Variants in GSE1 observed in about 807,000 individuals in gnomAD.
GSE1 encodes the protein Gse1 coiled-coil protein.
A neutral mutation model predicts 112.6 loss-of-function variants in GSE1; 32 were observed. The ratio of observed to expected loss-of-function variants is 0.28; its 90% CI spans 0.21 to 0.38. The LOEUF (loss-of-function observed/expected upper bound fraction) is 0.38, where lower values mean the gene tolerates loss of function less well. Among genes scored for constraint, GSE1 ranks in the 10% least tolerant of loss-of-function variants. The pLI, the probability that GSE1 is intolerant of heterozygous loss-of-function variation, is 1.00. For synonymous variants in GSE1, 1,115 were observed against 735.6 expected (o/e 1.52, Z -8.35); for missense variants, 2,348 against 1,699.2 (o/e 1.38, Z -6.71).
rs1179348004 is a variant in GSE1 at position 85,674,553 on chromosome 16, AG to A, written c.*2016del. On this transcript the variant is annotated 3_prime_UTR_variant, in exon 16 of 16. Coordinates refer to ENST00000253458, the MANE Select transcript of GSE1 (RefSeq NM_014615.5). ...AACCTACTTGAGGTTTCTGGTCTGAAGGCTTAAGAGTCACATCTTAGCACTT... is the reference window on the plus strand; with the variant it reads ...AACCTACTTGAGGTTTCTGGTCTGAAGCTTAAGAGTCACATCTTAGCACTT... 1 of 152,230 alleles carries A rather than the reference AG, an allele frequency of 6.6e-6. No homozygotes were observed. The highest frequency in any genetic ancestry group is 1.5e-5 in the Non-Finnish European group (1 of 68,048). 9.4% of individuals were successfully genotyped at this position (152,230 alleles called of 1,614,324 possible). A position where few individuals can be genotyped will look rare whatever the true frequency, so the allele number is the denominator to read the frequency against.
At chr16:85,637,652 G>C (rs989810202) in intron 2 of GSE1, among the ~76,000 whole-genome samples, 4 of 152,252 alleles carry the variant, frequency 2.6e-5, no homozygotes, top group African/African-American at 9.6e-5. Flanking sequence ...CGGCTTGCCC[G>C]GGTCCCACGT....
chr16:85,667,040 T>C (rs182533752), intron 13 of GSE1, among the ~76,000 whole-genome samples: 1 of 152,366 alleles, frequency 6.6e-6, no homozygotes, highest in African/African-American at 2.4e-5. Flanking sequence ...TATGCCACTT[T>C]ATATCAGGGA....
intron 2 of GSE1, among the ~76,000 whole-genome samples, chr16:85,441,711 A>G (rs1454852248): frequency 6.6e-6 from 1 of 152,210 alleles, no homozygotes; most frequent in African/African-American, 2.4e-5. Flanking sequence ...AGGGGTGTGT[A>G]GGAGTTTTCC....
chr16:85,226,162 C>G (rs1369445531), intron 1 of GSE1, among the ~76,000 whole-genome samples: 1 of 152,184 alleles, frequency 6.6e-6, no homozygotes, highest in African/African-American at 2.4e-5. Flanking sequence ...AGAAGGTAGG[C>G]ACGTCAGAGG....
intron 2 of GSE1, among the ~76,000 whole-genome samples, chr16:85,486,513 G>C (rs900558201): frequency 3.9e-5 from 6 of 152,252 alleles, no homozygotes; most frequent in Non-Finnish European, 8.8e-5. Context: ...TTCGGGGGTG[G>C]CATGTCTCCT....
chr16:85,261,468 G>T (rs753218979), intron 1 of GSE1, among the ~76,000 whole-genome samples: 1 of 152,262 alleles, frequency 6.6e-6, no homozygotes, highest in Non-Finnish European at 1.5e-5. Flanking sequence ...TCCCGCAGAG[G>T]AGGAGGGCGC....
At chr16:85,603,859 G>A (rs560430625) in intron 1 of GSE1, among the ~76,000 whole-genome samples, 3 of 152,284 alleles carry the variant, frequency 2.0e-5, no homozygotes, top group South Asian at 4.1e-4. Flanking sequence ...ACAATTAGCC[G>A]TTTTAAAGGG....
chr16:85,556,598 C>T (rs1475052259), intron 1 of GSE1, among the ~76,000 whole-genome samples: 1 of 150,544 alleles, frequency 6.6e-6, no homozygotes, highest in Non-Finnish European at 1.5e-5. Flanking sequence ...CGCGCCGCCG[C>T]CGGGGGTTGC....
At chr16:85,645,997 A>T (rs2050829053) in intron 2 of GSE1, among the ~76,000 whole-genome samples, 2 of 142,978 alleles carry the variant, frequency 1.4e-5, no homozygotes, top group South Asian at 2.2e-4. Context: ...CTTCCTATGC[A>T]TGCATTCTAC....
chr16:85,594,277 GC>G (rs1212834115), intron 1 of GSE1: 1 of 149,422 alleles, frequency 6.7e-6, no homozygotes, highest in Non-Finnish European at 1.5e-5. Context: ...GGTTGGAACC[GC>G]CAGACCTCCC....
At chr16:85,648,467 G>C (rs999689585) in intron 2 of GSE1, 85 bp from the exon 3 acceptor site, 19 of 684,698 alleles carry the variant, frequency 2.8e-5, no homozygotes, top group Non-Finnish European at 3.9e-5. Flanking sequence ...GGAGCAGGGG[G>C]GCAGCTGGAG....
At chr16:85,403,263 C>T (rs564522703) in intron 2 of GSE1, among the ~76,000 whole-genome samples, 74 of 152,222 alleles carry the variant, frequency 4.9e-4, no homozygotes, top group African/African-American at 1.8e-3. Context: ...CTGTAACCGA[C>T]ACCGGAAGCG....
At chr16:85,219,293 C>T (rs1272404757) in intron 1 of GSE1, among the ~76,000 whole-genome samples, 6 of 152,238 alleles carry the variant, frequency 3.9e-5, no homozygotes, top group East Asian at 1.9e-4. Context: ...GGATTACAGG[C>T]GTGAGCCACC....
intron 8 of GSE1, among the ~76,000 whole-genome samples, 175 bp from the exon 9 acceptor site, chr16:85,660,971 A>G (rs1232207495): frequency 6.6e-6 from 1 of 152,224 alleles, no homozygotes; most frequent in East Asian, 1.9e-4. Context: ...AATGAAAGAC[A>G]GAAACAATGA....
At chr16:85,660,429 G>T (rs1001678634) in intron 8 of GSE1, among the ~76,000 whole-genome samples, 2 of 152,100 alleles carry the variant, frequency 1.3e-5, no homozygotes, top group Non-Finnish European at 2.9e-5. Context: ...TTGAGGTCAG[G>T]AATTCGAGAG....
chr16:85,259,744 T>G (rs1263906753), intron 1 of GSE1, among the ~76,000 whole-genome samples: 1 of 152,186 alleles, frequency 6.6e-6, no homozygotes, highest in Non-Finnish European at 1.5e-5. Context: ...GCTCTCTGCT[T>G]CCCTGTTGCT....
chr16:85,264,157 GT>G (rs1254429421), intron 1 of GSE1, among the ~76,000 whole-genome samples: 1 of 152,170 alleles, frequency 6.6e-6, no homozygotes, highest in Non-Finnish European at 1.5e-5. Context: ...TTGTGGGAGG[GT>G]GGGGGGCAGC....
In GSE1 at chr16:85,510,886, C is replaced by T. The variant is rs553412622; in HGVS notation, c.2465-123028C>T. On this transcript the variant is annotated intron_variant, in intron 2 of 2. Coordinates refer to the GSE1 transcript ENST00000637419. Reference sequence around the variant, plus strand: ...AGCGCTGTTCCCAGGTCTGCACAAGCTCATGCTCCCGGCTCCTCCTTTATC... The same window carrying T: ...AGCGCTGTTCCCAGGTCTGCACAAGTTCATGCTCCCGGCTCCTCCTTTATC... Among the ~76,000 whole-genome samples the T allele has an allele frequency of 7.9e-5, 12 of 152,370 alleles. No individual in the cohort carries two copies. In the South Asian group the frequency reaches 8.3e-4, roughly 11 times the overall value.
In GSE1 at chr16:85,663,560, A is replaced by G; in HGVS notation, c.2590A>G (p.Lys864Glu). The G allele has an allele frequency of 6.2e-7, 1 of 1,613,884 alleles. No homozygotes were observed. ...CAACAGTCCCAACTTCGAAGAAAAG[A>G]AGAAGTTCCTGACCATCTTCAACCT... The part of the protein sequence containing the change: ...MNNSPNFEEK[K>E]KFLTIFNLTH... The change falls in exon 11 of 16, where the codon AAG (lysine) becomes GAG (glutamate). Residue 864 changes from lysine to glutamate, a missense_variant. Coordinates refer to ENST00000253458, the MANE Select transcript of GSE1 (RefSeq NM_014615.5).
Sources: gnomAD v4.1 joint callset for allele counts (sites outside exome capture counted in the v4.1 genomes callset) on GRCh38, gnomAD v4.1.1 for gene constraint, MANE v1.5 for transcripts, NCBI Gene and HGNC (gene_info 2026-07-23, HGNC 2026-07-21) for gene names.